The following MAGI1 variants were observed in gnomAD, a reference collection of about 807,000 sequenced individuals.
MAGI1 encodes the protein membrane-associated guanylate kinase, WW and PDZ domain-containing protein 1.
MAGI1 carries 58 observed loss-of-function variants against 139.9 expected under a neutral mutation model. The observed-to-expected ratio is 0.41, with a 90% confidence interval of 0.34 to 0.52. The LOEUF (loss-of-function observed/expected upper bound fraction) is 0.52, where lower values mean the gene tolerates loss of function less well. Ranked by LOEUF, MAGI1 falls within the 20% of genes least tolerant of loss-of-function variation. MAGI1 has a pLI of 0.12. For synonymous variants in MAGI1, 812 were observed against 737.9 expected, an observed-to-expected ratio of 1.10 and a Z score of -1.63; for missense variants, 1,874 against 1,901.6, an observed-to-expected ratio of 0.99 and a Z score of 0.27.
At chr3:65,737,294 T>C (rs899538779) in intron 1 of MAGI1, among the ~76,000 whole-genome samples, 3 of 152,256 alleles carry the variant, frequency 2.0e-5, no homozygotes, top group African/African-American at 4.8e-5. Context: ...CGTAAGCCAC[T>C]GCGCCCAGCG....
chr3:65,957,350 C>CAAAAAAAAAAAA (rs1174740233), intron 1 of MAGI1, among the ~76,000 whole-genome samples: 1 of 91,512 alleles, frequency 1.1e-5, no homozygotes, highest in African/African-American at 4.2e-5. Flanking sequence ...CCTGTCTCTA[C>CAAAAAAAAAAAA]AAAAAAAAAA....
At chr3:66,005,101 G>A (rs1358593374) in intron 1 of MAGI1, among the ~76,000 whole-genome samples, 2 of 151,960 alleles carry the variant, frequency 1.3e-5, no homozygotes, top group East Asian at 3.9e-4. Context: ...AATTTGCCAT[G>A]TTAAATGGCT....
chr3:65,797,941 T>C (rs984584087), intron 1 of MAGI1, among the ~76,000 whole-genome samples: 2 of 152,156 alleles, frequency 1.3e-5, no homozygotes, highest in Non-Finnish European at 2.9e-5. Context: ...ATTACAGCTA[T>C]GGAGCAACAG....
chr3:65,840,548 T>A (rs1405815168), intron 1 of MAGI1, among the ~76,000 whole-genome samples: 3 of 152,230 alleles, frequency 2.0e-5, no homozygotes, highest in Non-Finnish European at 2.9e-5. Context: ...AGCCTGTCAA[T>A]AAGGTGAATT....
At chr3:65,790,536 T>C (rs1414322559) in intron 1 of MAGI1, among the ~76,000 whole-genome samples, 1 of 152,184 alleles carries the variant, frequency 6.6e-6, no homozygotes, top group Admixed American at 6.5e-5. Context: ...TGCTCTTGAA[T>C]GGTTAGGCAG....
Position 65,416,292 on chromosome 3 carries a change from G to A in MAGI1, c.2167+13228C>T, listed in dbSNP as rs9853021. Among the ~76,000 whole-genome samples the A allele has an allele frequency of 6.8e-3, 1,036 of 152,276 alleles. 10 individuals carry two copies. Among genetic ancestry groups the A allele is most frequent in the African/African-American group, 0.024 (984 of 41,542 alleles). On this transcript the variant is annotated intron_variant, in intron 12 of 22. Transcript: ENST00000402939. Reference sequence around the variant, plus strand: ...ACAGCCAATGCTAGGGAAAGAAAGGGATTCCCTCCATCACAAAGTCATAGC... The same window carrying A: ...ACAGCCAATGCTAGGGAAAGAAAGGAATTCCCTCCATCACAAAGTCATAGC...
intron 2 of MAGI1, among the ~76,000 whole-genome samples, chr3:65,525,395 T>C (rs901094089): frequency 5.3e-5 from 8 of 152,222 alleles, no homozygotes; most frequent in Non-Finnish European, 7.3e-5. Context: ...TGGGATAATC[T>C]GCAGAGAAAC....
chr3:65,705,588 C>T (rs557551220), intron 1 of MAGI1, among the ~76,000 whole-genome samples: 2 of 152,312 alleles, frequency 1.3e-5, no homozygotes, highest in South Asian at 2.1e-4. Flanking sequence ...CCATGAGTAT[C>T]ACATTCAATT....
chr3:65,701,483 C>T (rs1242078566), intron 1 of MAGI1, among the ~76,000 whole-genome samples: 2 of 152,184 alleles, frequency 1.3e-5, no homozygotes, highest in African/African-American at 4.8e-5. Flanking sequence ...GAACTCCTGA[C>T]CTCAAGTGAT....
At chr3:65,534,641 G>A (rs992375554) in intron 2 of MAGI1, among the ~76,000 whole-genome samples, 1 of 152,212 alleles carries the variant, frequency 6.6e-6, no homozygotes, top group African/African-American at 2.4e-5. Flanking sequence ...AGATCAGGAA[G>A]TGAGACCACA....
intron 1 of MAGI1, among the ~76,000 whole-genome samples, chr3:65,994,788 C>T (rs986663548): frequency 1.9e-4 from 29 of 152,142 alleles, no homozygotes; most frequent in African/African-American, 6.5e-4. Context: ...CCCTGTGTAC[C>T]TTCAACAGGA....
At chr3:65,796,909 T>C (rs944726850) in intron 1 of MAGI1, among the ~76,000 whole-genome samples, 3 of 152,252 alleles carry the variant, frequency 2.0e-5, no homozygotes, top group African/African-American at 7.2e-5. Context: ...CTCAGGGCCA[T>C]AGTTTGAGGA....
At chr3:65,390,278 G>A (rs1039462987) in intron 14 of MAGI1, among the ~76,000 whole-genome samples, 4 of 151,802 alleles carry the variant, frequency 2.6e-5, no homozygotes, top group African/African-American at 4.8e-5. Context: ...TCAACAAACC[G>A]AATCTCCACC....
At chr3:65,601,224 G>A (rs58721463) in intron 2 of MAGI1, among the ~76,000 whole-genome samples, 1,765 of 152,216 alleles carry the variant, frequency 0.012, 34 homozygotes, top group African/African-American at 0.04. Context: ...ATAATAAAGA[G>A]GCAGAATATA....
chr3:65,580,579 C>T (rs978864336), intron 2 of MAGI1, among the ~76,000 whole-genome samples: 4 of 152,086 alleles, frequency 2.6e-5, no homozygotes, highest in African/African-American at 9.7e-5. Context: ...ACGCAAACAC[C>T]AGGACAATTA....
intron 20 of MAGI1, 62 bp from the exon 21 acceptor site, chr3:65,363,670 A>C: frequency 1.4e-6 from 2 of 1,475,902 alleles, no homozygotes; most frequent in South Asian, 2.5e-5. Context: ...ACTCTTCCTA[A>C]ACATTCTTGG....
intron 1 of MAGI1, among the ~76,000 whole-genome samples, chr3:65,792,928 C>G (rs916430014): frequency 1.3e-5 from 2 of 152,192 alleles, no homozygotes; most frequent in East Asian, 3.9e-4. Context: ...AAGGTAAGAG[C>G]CTGGTTTTTG....
intron 1 of MAGI1, among the ~76,000 whole-genome samples, chr3:65,708,284 G>A (rs76709916): frequency 0.017 from 2,513 of 152,246 alleles, 32 homozygotes; most frequent in Non-Finnish European, 0.025. Context: ...GGTAGTAAAC[G>A]CCAAAAGAAG....
chr3:65,923,382 C>T (rs145686447), intron 1 of MAGI1, among the ~76,000 whole-genome samples: 93 of 152,098 alleles, frequency 6.1e-4, no homozygotes, highest in Admixed American at 1.6e-3. Context: ...CGCACCACCA[C>T]GCCCAGCTAA....
Sources: allele counts gnomAD v4.1 joint callset (sites outside exome capture counted in the v4.1 genomes callset), GRCh38; gene constraint gnomAD v4.1.1; transcripts MANE v1.5; gene names NCBI Gene and HGNC (gene_info 2026-07-23, HGNC 2026-07-21).